The following ADAMTS6 variants were observed in gnomAD, a reference collection of about 807,000 sequenced individuals.
ADAMTS6 encodes the protein A disintegrin and metalloproteinase with thrombospondin motifs 6.
Under a neutral mutation model 144.3 loss-of-function variants are expected in ADAMTS6, and 23 were observed. That is an observed-to-expected ratio of 0.16 (90% CI 0.11 to 0.23). ADAMTS6 has a LOEUF of 0.23. Ranked by LOEUF, ADAMTS6 falls within the 10% of genes least tolerant of loss-of-function variation. ADAMTS6 has a pLI of 1.00. For missense variants in ADAMTS6, 999 were observed against 1,379.6 expected, an observed-to-expected ratio of 0.72 and a Z score of 4.37; for synonymous variants, 444 against 457.5, an observed-to-expected ratio of 0.97 and a Z score of 0.38.
At chr5:65,204,238 G>C (rs1471485439) in intron 20 of ADAMTS6, among the ~76,000 whole-genome samples, 2 of 152,058 alleles carry the variant, frequency 1.3e-5, no homozygotes, top group Admixed American at 1.3e-4. Flanking sequence ...ATAATTCAAA[G>C]AATTTTTGTA....
intron 9 of ADAMTS6, among the ~76,000 whole-genome samples, chr5:65,302,277 T>C (rs1743498720): frequency 6.9e-6 from 1 of 144,366 alleles, no homozygotes; most frequent in South Asian, 2.1e-4. Context: ...ATCTAAATTA[T>C]ATATAAAATA....
rs55933758 is a variant in ADAMTS6, at chr5:65,256,961, TTC to T, written c.1830+3637_1830+3638del. On this transcript the variant is annotated intron_variant, in intron 14 of 24. Transcript: ENST00000381055. ...TGGTTTAATAAATAAGGGTCACTTTTTCTCTCTCTCTCTCTCTCTCTCTCTTT... is the reference window on the plus strand; with the variant it reads ...TGGTTTAATAAATAAGGGTCACTTTTTCTCTCTCTCTCTCTCTCTCTCTTT... Among the ~76,000 whole-genome samples, 231 of 117,990 alleles carry T rather than the reference TTC, an allele frequency of 2.0e-3. 1 individual carries two copies. The highest frequency in any genetic ancestry group is 2.6e-3 in the Non-Finnish European group (152 of 59,374). The allele number at this position is 117,990 out of a possible 152,430, so 77.4% of individuals were successfully genotyped here.
At chr5:65,211,281 C>T (rs1756514845) in intron 20 of ADAMTS6, among the ~76,000 whole-genome samples, 1 of 152,110 alleles carries the variant, frequency 6.6e-6, no homozygotes, top group South Asian at 2.1e-4. Context: ...CACTCTATAT[C>T]CTAGGAAATA....
At chr5:65,381,353 G>A (rs896257487) in intron 7 of ADAMTS6, among the ~76,000 whole-genome samples, 6 of 150,622 alleles carry the variant, frequency 4.0e-5, no homozygotes, top group African/African-American at 1.5e-4. Context: ...TGGAAACTAT[G>A]AAGGATTATA....
At chr5:65,313,352 T>C (rs761223632) in intron 9 of ADAMTS6, among the ~76,000 whole-genome samples, 1 of 152,114 alleles carries the variant, frequency 6.6e-6, no homozygotes, top group Non-Finnish European at 1.5e-5. Context: ...GTTTTAGCTA[T>C]GTTTTAGCTA....
intron 9 of ADAMTS6, among the ~76,000 whole-genome samples, chr5:65,311,566 T>C (rs1744494849): frequency 6.6e-6 from 1 of 152,094 alleles, no homozygotes; most frequent in Non-Finnish European, 1.5e-5. Context: ...ACGACAGAAT[T>C]TATCATACCT....
At chr5:65,440,916 A>G (rs1011695043) in intron 7 of ADAMTS6, among the ~76,000 whole-genome samples, 42 of 152,198 alleles carry the variant, frequency 2.8e-4, no homozygotes, top group African/African-American at 9.6e-4. Context: ...AAAGCTCAAG[A>G]ATAATTACAG....
At chr5:65,351,548 T>C (rs1268073141) in intron 7 of ADAMTS6, among the ~76,000 whole-genome samples, 2 of 152,242 alleles carry the variant, frequency 1.3e-5, no homozygotes, top group African/African-American at 4.8e-5. Context: ...TGAATGTTTA[T>C]GGATAAATAT....
chr5:65,425,724 G>C (rs1172565581), intron 7 of ADAMTS6, among the ~76,000 whole-genome samples: 1 of 151,654 alleles, frequency 6.6e-6, no homozygotes, highest in Non-Finnish European at 1.5e-5. Context: ...AAACCTAAAA[G>C]AAGAAAGACA....
intron 11 of ADAMTS6, among the ~76,000 whole-genome samples, chr5:65,278,971 T>A (rs183578908): frequency 5.4e-5 from 8 of 148,082 alleles, no homozygotes; most frequent in Middle Eastern, 3.5e-3. Context: ...TGAGGCAGGG[T>A]CTCACTCTGT....
chr5:65,455,619 T>A (rs1378286098), intron 4 of ADAMTS6, among the ~76,000 whole-genome samples: 1 of 151,774 alleles, frequency 6.6e-6, no homozygotes, highest in African/African-American at 2.4e-5. Context: ...TTTCAAATCC[T>A]AAATTAATGT....
chr5:65,272,316 AG>A (rs1762115193), intron 12 of ADAMTS6, among the ~76,000 whole-genome samples: 1 of 152,196 alleles, frequency 6.6e-6, no homozygotes, highest in Admixed American at 6.5e-5. Flanking sequence ...TTTTAAGAGT[AG>A]TACACAAACT....
rs1755420955 is a variant in ADAMTS6, at chr5:65,196,900, G to A, written c.2705+122C>T. The A allele has an allele frequency of 3.2e-6, 4 of 1,239,500 alleles. No homozygotes were observed. In the African/African-American group the frequency reaches 4.5e-5, roughly 14 times the overall value. 76.8% of individuals were successfully genotyped at this position (1,239,500 alleles called of 1,614,324 possible). Reference sequence around the variant, plus strand: ...CATCAAAATTCCTCCCTCTCAGGATGTTTTCTACCTTTTTTCAGCCTAATT... The same window carrying A: ...CATCAAAATTCCTCCCTCTCAGGATATTTTCTACCTTTTTTCAGCCTAATT... On this transcript the variant is annotated intron_variant, in intron 21 of 24. Coordinates refer to ENST00000381055, the MANE Select transcript of ADAMTS6 (RefSeq NM_197941.4).
At chr5:65,231,068 A>T (rs1413322381) in intron 15 of ADAMTS6, among the ~76,000 whole-genome samples, 1 of 151,414 alleles carries the variant, frequency 6.6e-6, no homozygotes, top group Non-Finnish European at 1.5e-5. Context: ...AAATGGATTA[A>T]ATTCTACAAT....
At chr5:65,398,842 A>AAG (rs758848044) in intron 7 of ADAMTS6, among the ~76,000 whole-genome samples, 1 of 137,970 alleles carries the variant, frequency 7.2e-6, no homozygotes, top group Non-Finnish European at 1.5e-5. Flanking sequence ...GAAAGAAAGA[A>AAG]AGAAAGAAAA....
chr5:65,226,594 T>A (rs914203647), intron 15 of ADAMTS6, among the ~76,000 whole-genome samples: 11 of 150,088 alleles, frequency 7.3e-5, no homozygotes, highest in African/African-American at 2.7e-4. Flanking sequence ...AGAAAAACAA[T>A]TTTTTTTTTG....
At chr5:65,358,499 C>T (rs1183099877) in intron 7 of ADAMTS6, among the ~76,000 whole-genome samples, 1 of 152,028 alleles carries the variant, frequency 6.6e-6, no homozygotes, top group Non-Finnish European at 1.5e-5. Context: ...CTTCCAATGA[C>T]ATTTTTCACA....
intron 15 of ADAMTS6, among the ~76,000 whole-genome samples, chr5:65,228,987 C>T (rs1757934985): frequency 6.6e-6 from 1 of 152,160 alleles, no homozygotes; most frequent in Admixed American, 6.5e-5. Flanking sequence ...TCAACAGTTG[C>T]CTCAAAAACT....
At chr5:65,239,442 AACAATAAGACTTTTG>A (rs1580154131) in intron 15 of ADAMTS6, among the ~76,000 whole-genome samples, 1 of 152,186 alleles carries the variant, frequency 6.6e-6, no homozygotes, top group African/African-American at 2.4e-5. Flanking sequence ...GTAAGGACTA[AACAATAAGACTTTTG>A]GAAGAAAACA....
Sources: gnomAD v4.1 joint callset for allele counts (sites outside exome capture counted in the v4.1 genomes callset) on GRCh38, gnomAD v4.1.1 for gene constraint, MANE v1.5 for transcripts, NCBI Gene and HGNC (gene_info 2026-07-23, HGNC 2026-07-21) for gene names.